TMEM272: variants seen among roughly 807,000 people sequenced by gnomAD.
TMEM272 encodes long intergenic non-protein coding RNA 282.
A neutral mutation model predicts 3.7 loss-of-function variants in TMEM272; 8 were observed. The observed-to-expected ratio is 2.17, with a 90% CI of 1.27 to 3.91. The LOEUF (loss-of-function observed/expected upper bound fraction) is 3.91. TMEM272 is among the 30% of genes most tolerant of loss of function. TMEM272 has a pLI of 0.00. For synonymous variants in TMEM272, 63 were observed against 39.8 expected, an observed-to-expected ratio of 1.58 and a Z score of -2.20; for missense variants, 166 against 91.5, an observed-to-expected ratio of 1.81 and a Z score of -3.32.
chr13:51,908,894 A>G, the TMEM272 span: 1 of 1,414,506 alleles, frequency 7.1e-7, no homozygotes, highest in Non-Finnish European at 1.0e-6. Flanking sequence ...TAAACCTATC[A>G]CAGCTTGATT....
chr13:51,866,119 C>G, the TMEM272 span: 1 of 1,497,580 alleles, frequency 6.7e-7, no homozygotes, highest in Non-Finnish European at 8.9e-7. Context: ...CCAGACTCCC[C>G]TGGGTTGGGA....
At chr13:51,870,652 T>C in the TMEM272 span, among the ~76,000 whole-genome samples, 1 of 152,004 alleles carries the variant, frequency 6.6e-6, no homozygotes. Context: ...GAGGAATGAG[T>C]GGAAACGGAA....
chr13:51,847,595 T>C (rs1040027308), upstream of TMEM272, among the ~76,000 whole-genome samples: 1 of 152,190 alleles, frequency 6.6e-6, no homozygotes, highest in African/African-American at 2.4e-5. Flanking sequence ...TCAGAACATA[T>C]ACCCATGGTT....
the TMEM272 span, among the ~76,000 whole-genome samples, chr13:51,899,384 G>T: frequency 5.9e-5 from 9 of 152,202 alleles, no homozygotes; most frequent in African/African-American, 2.2e-4. Flanking sequence ...GCCAGAAAAG[G>T]GTATAGCGAC....
chr13:51,894,615 G>A, the TMEM272 span, among the ~76,000 whole-genome samples: 2 of 152,150 alleles, frequency 1.3e-5, no homozygotes, highest in African/African-American at 2.4e-5. Flanking sequence ...GGAAAGGCGC[G>A]AAAGGACTGA....
rs577697635 is a variant in TMEM272, at chr13:51,814,562, C to A, written c.*2189G>T. 1 of 152,288 alleles carries A rather than the reference C, an allele frequency of 6.6e-6. No homozygotes were observed. The highest frequency in any genetic ancestry group is 1.9e-4 in the East Asian group (1 of 5,186). 9.4% of individuals were successfully genotyped at this position (152,288 alleles called of 1,614,324 possible). ...ACCTCAAACCAGGGAAGATGTATGA[C>A]CTATACAAAGAGATCATCACCTCTT... On this transcript the variant is annotated 3_prime_UTR_variant, in exon 5 of 5. Transcript: ENST00000629372.
chr13:51,917,944 A>G, the TMEM272 span, among the ~76,000 whole-genome samples: 3 of 152,094 alleles, frequency 2.0e-5, no homozygotes, highest in African/African-American at 7.2e-5. Flanking sequence ...CTGTTTATTG[A>G]GAGATTCATC....
the TMEM272 span, among the ~76,000 whole-genome samples, chr13:51,885,807 TAG>T: frequency 6.6e-6 from 1 of 152,202 alleles, no homozygotes; most frequent in African/African-American, 2.4e-5. Flanking sequence ...TTGAATGTCT[TAG>T]ACACATGACC....
At chr13:51,870,711 A>T in the TMEM272 span, among the ~76,000 whole-genome samples, 1 of 152,250 alleles carries the variant, frequency 6.6e-6, no homozygotes, top group Non-Finnish European at 1.5e-5. Flanking sequence ...GGGGAAAGCC[A>T]AGAACCAACC....
chr13:51,839,664 C>T (rs1359014302), intron 1 of TMEM272, among the ~76,000 whole-genome samples: 1 of 152,192 alleles, frequency 6.6e-6, no homozygotes, highest in East Asian at 1.9e-4. Flanking sequence ...GGGAACAGGC[C>T]GTGATGGGGA....
At chr13:51,849,150 C>T (rs1041032717), upstream of TMEM272, among the ~76,000 whole-genome samples, 14 of 152,198 alleles carry the variant, frequency 9.2e-5, no homozygotes, top group Non-Finnish European at 2.1e-4. Context: ...CATGGTCCCA[C>T]AACTAGTTCA....
At chr13:51,930,881 T>G in the TMEM272 span, among the ~76,000 whole-genome samples, 6 of 152,156 alleles carry the variant, frequency 3.9e-5, no homozygotes, top group Admixed American at 3.9e-4. Flanking sequence ...AAGGTTTTAT[T>G]TATTAATCTT....
the TMEM272 span, among the ~76,000 whole-genome samples, chr13:51,886,360 A>G: frequency 1.3e-4 from 20 of 152,366 alleles, no homozygotes; most frequent in South Asian, 3.7e-3. Flanking sequence ...CCTGCCAGGC[A>G]ATCTTCTAAA....
At chr13:51,871,454 T>C in the TMEM272 span, among the ~76,000 whole-genome samples, 2 of 152,192 alleles carry the variant, frequency 1.3e-5, no homozygotes, top group Non-Finnish European at 2.9e-5. Flanking sequence ...CTGTGGCTTC[T>C]GCCTTGCTCT....
At chr13:51,917,796 A>G in the TMEM272 span, among the ~76,000 whole-genome samples, 8 of 152,310 alleles carry the variant, frequency 5.3e-5, no homozygotes, top group South Asian at 2.1e-4. Context: ...ATAAATCACA[A>G]TATCATCACA....
chr13:51,852,645 C>A, the TMEM272 span, among the ~76,000 whole-genome samples: 4 of 151,948 alleles, frequency 2.6e-5, no homozygotes, highest in East Asian at 3.9e-4. Context: ...TTTGGGAGGC[C>A]AAGGCGGGCA....
At chr13:51,837,758 G>A (rs1210869384) in intron 2 of TMEM272, among the ~76,000 whole-genome samples, 1 of 152,234 alleles carries the variant, frequency 6.6e-6, no homozygotes, top group Admixed American at 6.5e-5. Context: ...TACAGGTAAG[G>A]AAAGGTGCCC....
chr13:51,865,457 C>T, the TMEM272 span: 1,065 of 1,614,102 alleles, frequency 6.6e-4, 6 homozygotes, highest in Non-Finnish European at 5.9e-4. Flanking sequence ...TGCCTGCTTC[C>T]GGTCCCTGGC....
At chr13:51,922,965 C>T in the TMEM272 span, among the ~76,000 whole-genome samples, 4 of 152,232 alleles carry the variant, frequency 2.6e-5, no homozygotes, top group Non-Finnish European at 5.9e-5. Flanking sequence ...CCCTTAATCA[C>T]ATGTGCAGGG....
Sources: allele counts gnomAD v4.1 joint callset (sites outside exome capture counted in the v4.1 genomes callset), GRCh38; gene constraint gnomAD v4.1.1; transcripts MANE v1.5; gene names NCBI Gene and HGNC (gene_info 2026-07-23, HGNC 2026-07-21).